The following ERN2 variants were observed in gnomAD, a reference collection of about 807,000 sequenced individuals.
The protein encoded by ERN2 is endoplasmic reticulum to nucleus signaling 2.
Under a neutral mutation model 107.9 loss-of-function variants are expected in ERN2, and 111 were observed. The observed-to-expected ratio is 1.03, with a 90% CI of 0.88 to 1.20. ERN2 has a LOEUF of 1.20. ERN2 is among the 50% of genes most tolerant of loss of function. The pLI, the probability that ERN2 is intolerant of heterozygous loss-of-function variation, is 0.00. For synonymous variants in ERN2, 524 were observed against 501.7 expected (o/e 1.04, Z -0.59); for missense variants, 1,225 against 1,197.9 (o/e 1.02, Z -0.33).
intron 6 of ERN2, 45 bp downstream of exon 6, chr16:23,706,709 G>A (rs1237600023): frequency 5.2e-6 from 7 of 1,351,792 alleles, no homozygotes; most frequent in Non-Finnish European, 7.3e-6. Flanking sequence ...CAGAGCAAAA[G>A]GGGAGGCTGC....
intron 2 of ERN2, 55 bp from the exon 3 acceptor site, chr16:23,710,604 G>C (rs149325110): frequency 6.3e-7 from 1 of 1,587,858 alleles, no homozygotes; most frequent in Non-Finnish European, 8.6e-7. Context: ...CCACTGAAAA[G>C]CACAGCTCAT....
intron 17 of ERN2, 28 bp from the exon 18 acceptor site, chr16:23,692,359 G>A (rs764937468): frequency 3.1e-6 from 5 of 1,606,488 alleles, no homozygotes; most frequent in Non-Finnish European, 4.2e-6. Flanking sequence ...GGCATGAGAA[G>A]GAAATCTCTG....
At chr16:23,696,112 A>T (rs1314598559) in intron 13 of ERN2, 134 bp from the exon 14 acceptor site, 4 of 668,108 alleles carry the variant, frequency 6.0e-6, no homozygotes, top group African/African-American at 5.3e-5. Flanking sequence ...GGTAAGAGCA[A>T]GGGCCCAAGT....
Position 23,705,050 on chromosome 16 carries a change from CACAG to C in ERN2, c.683_686del (p.Pro228ArgfsTer57). 1 of 1,613,890 alleles carries C rather than the reference CACAG, an allele frequency of 6.2e-7. No homozygotes were observed. Among genetic ancestry groups the C allele is most frequent in the Non-Finnish European group, 8.5e-7 (1 of 1,179,976 alleles). ...CCTGGTGCCAGGTGTAGACGCCCAT[CACAG>C]GCACGCCCAGGTCCTGTGTCCACAG... On this transcript the variant is annotated frameshift_variant, in exon 8 of 22. Transcript: ENST00000256797. LOFTEE classifies it high-confidence loss of function.
chr16:23,706,436 G>T lies in ERN2; in HGVS notation c.488-5C>A. The stretch of plus-strand genomic sequence containing the variant: ...CATGCATGGTGACCGTATACTCTGG[G>T]GATCCCAGAAGCAAGATTACCAGGA... On this transcript the variant is annotated splice_polypyrimidine_tract_variant and splice_region_variant and intron_variant, in intron 6 of 21. Transcript: ENST00000256797. 1 of 1,559,142 alleles carries T rather than the reference G, an allele frequency of 6.4e-7. No homozygotes were observed. The highest frequency in any genetic ancestry group is 8.7e-7 in the Non-Finnish European group (1 of 1,149,796).
rs1959547752 is a variant in ERN2 at position 23,690,692 on chromosome 16, G to C, written c.*139C>G. 1 of 690,070 alleles carries C rather than the reference G, an allele frequency of 1.4e-6. No homozygotes were observed. The highest frequency in any genetic ancestry group is 2.7e-5 in the East Asian group (1 of 36,792). 42.7% of individuals were successfully genotyped at this position (690,070 alleles called of 1,614,324 possible). On this transcript the variant is annotated 3_prime_UTR_variant, in exon 22 of 22. Coordinates refer to ENST00000256797, the MANE Select transcript of ERN2 (RefSeq NM_033266.4). ...GCTGGTCTCGAACTCCTGAGCTCAA[G>C]TGATCCTCTCACTCAGCCTCCCAAA...
In ERN2 at chr16:23,690,376, G is replaced by T. The variant is rs766111495; in HGVS notation, c.*455C>A. ...AACAGATGTGAATATTCTTTTTCTT[G>T]TATTTCCTGAGGGGTGCCAGGGCCT... On this transcript the variant is annotated 3_prime_UTR_variant, in exon 22 of 22. Coordinates refer to ENST00000256797, the MANE Select transcript of ERN2 (RefSeq NM_033266.4). 4.1e-6 allele frequency: 2 copies of T among 486,910 alleles called. No individual in the cohort carries two copies. The highest frequency in any genetic ancestry group is 3.8e-5 in the African/African-American group (2 of 52,218). The allele number at this position is 486,910 out of a possible 1,614,324, so 30.2% of individuals were successfully genotyped here.
rs768894056 is a variant in ERN2, at chr16:23,694,895, TG to T, written c.1932del (p.Ile645SerfsTer118). 2 of 1,613,692 alleles carry T rather than the reference TG, an allele frequency of 1.2e-6. No homozygotes were observed. The highest frequency in any genetic ancestry group is 3.3e-4 in the Middle Eastern group (2 of 6,060). On this transcript the variant is annotated frameshift_variant, in exon 17 of 22. Transcript: ENST00000256797. LOFTEE classifies it high-confidence loss of function. ...VHRDLKPGNI[L>X]ITGPDSQGLG... is the part of the protein sequence containing the mutation. ...AGGCCCTGGCTGTCAGGCCCGGTGA[TG>T]AGAATATTTCCTGGCTTCAGGTCCC...
At chr16:23,712,520 C>T (rs938152887) in intron 1 of ERN2, 9 of 153,894 alleles carry the variant, frequency 5.8e-5, no homozygotes, top group Non-Finnish European at 7.2e-5. Context: ...AGGCGGGACA[C>T]CTGGATTCTT....
intron 1 of ERN2, 133 bp downstream of exon 1, chr16:23,712,962 G>C: frequency 1.5e-6 from 1 of 678,830 alleles, no homozygotes. Flanking sequence ...TTGGGGCCGA[G>C]TTGGGACCAC....
chr16:23,692,783 G>C (rs767876508), intron 17 of ERN2, among the ~76,000 whole-genome samples: 72 of 151,762 alleles, frequency 4.7e-4, no homozygotes, highest in Non-Finnish European at 8.7e-4. Flanking sequence ...CTAGAGTGCA[G>C]TGGCGCAACC....
Position 23,707,055 on chromosome 16 carries a change from G to T in ERN2, c.331C>A (p.Leu111Met). ...LMKLPFTIPE[L>M]VHASPCRSSD... ...CTGCGGCAGGGAGAGGCATGAACCA[G>T]CTCAGGGATGGTGAATGGCAGTTTC... The change falls in exon 5 of 22, where the codon CTG (leucine) becomes ATG (methionine). Residue 111 changes from leucine to methionine, a missense_variant. By Grantham distance (15) the Leu-to-Met change is conservative. Coordinates refer to ENST00000256797, the MANE Select transcript of ERN2 (RefSeq NM_033266.4). 1 of 1,614,102 alleles carries T rather than the reference G, an allele frequency of 6.2e-7. No individual in the cohort carries two copies. Among genetic ancestry groups the T allele is most frequent in the South Asian group, 1.1e-5 (1 of 91,082 alleles).
chr16:23,695,496 C>G (rs893108197), intron 14 of ERN2, 107 bp from the exon 15 acceptor site: 1 of 1,106,864 alleles, frequency 9.0e-7, no homozygotes, highest in East Asian at 2.6e-5. Context: ...GAGGCCAAGG[C>G]GGGCGGGTCA....
chr16:23,697,978 G>A (rs1959898157), intron 13 of ERN2, among the ~76,000 whole-genome samples: 1 of 152,028 alleles, frequency 6.6e-6, no homozygotes, highest in African/African-American at 2.4e-5. Context: ...TGCCCAGGCT[G>A]GGCTCAAGCA....
intron 13 of ERN2, among the ~76,000 whole-genome samples, chr16:23,697,817 C>T (rs144233717): frequency 6.6e-5 from 10 of 152,080 alleles, no homozygotes; most frequent in Non-Finnish European, 1.5e-4. Flanking sequence ...AGTGCACTGG[C>T]GTGATCATAG....
In ERN2 at chr16:23,690,877, G is replaced by A. The variant is rs1597138829; in HGVS notation, c.2735C>T (p.Pro912Leu). The A allele has an allele frequency of 5.0e-6, 8 of 1,613,862 alleles. No individual in the cohort carries two copies. In the East Asian group the frequency reaches 1.1e-4, roughly 22 times the overall value. Residue 912 changes from proline to leucine, a missense_variant, in exon 22 of 22, where the codon CCA becomes CTA. Transcript: ENST00000256797. ...GCATGGCCTCCTGGCCTCTGAGTCT[G>A]GCGGGTAGTAGGGCAGGAAGAGGCT... is the stretch of plus-strand genomic sequence containing the variant. ...SESLFLPYYPPDSEARRPCPG... is the reference protein window; with the variant it reads ...SESLFLPYYPLDSEARRPCPG...
chr16:23,710,050 A>C (rs1960477175), intron 4 of ERN2, 122 bp downstream of exon 4: 2 of 691,620 alleles, frequency 2.9e-6, no homozygotes, highest in Non-Finnish European at 5.2e-6. Flanking sequence ...CAATGTGCTG[A>C]GTCCTGACTT....
chr16:23,699,365 C>G (rs899165097), intron 13 of ERN2, among the ~76,000 whole-genome samples: 2 of 152,116 alleles, frequency 1.3e-5, no homozygotes, highest in African/African-American at 2.4e-5. Context: ...AGCACAAGTT[C>G]ACAAAGACAA....
rs1597138360 is a variant in ERN2 at position 23,690,371 on chromosome 16, T to G, written c.*460A>C. ...CATTAAACAGATGTGAATATTCTTTTTCTTGTATTTCCTGAGGGGTGCCAG... is the reference window on the plus strand; with the variant it reads ...CATTAAACAGATGTGAATATTCTTTGTCTTGTATTTCCTGAGGGGTGCCAG... On this transcript the variant is annotated 3_prime_UTR_variant, in exon 22 of 22. Coordinates refer to ENST00000256797, the MANE Select transcript of ERN2 (RefSeq NM_033266.4). The G allele has an allele frequency of 4.1e-6, 2 of 493,778 alleles. No individual in the cohort carries two copies. The highest frequency in any genetic ancestry group is 7.0e-5 in the East Asian group (2 of 28,576). 30.6% of individuals were successfully genotyped at this position (493,778 alleles called of 1,614,324 possible). A position where few individuals can be genotyped will look rare whatever the true frequency, so the allele number is the denominator to read the frequency against.
Sources: gnomAD v4.1 joint callset for allele counts (sites outside exome capture counted in the v4.1 genomes callset) on GRCh38, gnomAD v4.1.1 for gene constraint, MANE v1.5 for transcripts, NCBI Gene and HGNC (gene_info 2026-07-23, HGNC 2026-07-21) for gene names.